AIG1: variants seen among roughly 807,000 people sequenced by gnomAD.
AIG1 encodes androgen induced 1, also known as androgen-induced gene 1 protein.
In AIG1, 23 loss-of-function variants were observed where a neutral mutation model predicts 31.4. The observed-to-expected ratio is 0.73, with a 90% confidence interval of 0.53 to 1.04. The LOEUF (loss-of-function observed/expected upper bound fraction) is 1.04, where lower values mean the gene tolerates loss of function less well. Ranked by LOEUF, AIG1 falls within the 50% of genes least tolerant of loss-of-function variation. AIG1 has a pLI of 0.00. For missense variants in AIG1, 274 were observed against 295.0 expected (o/e 0.93, Z 0.52); for synonymous variants, 100 against 110.5 (o/e 0.90, Z 0.60).
At chr6:143,130,431 T>C (rs1413819007) in intron 1 of AIG1, among the ~76,000 whole-genome samples, 1 of 151,802 alleles carries the variant, frequency 6.6e-6, no homozygotes, top group Non-Finnish European at 1.5e-5. Flanking sequence ...AAAAGAACTT[T>C]TGGGGCCAGG....
chr6:143,248,637 G>T (rs192637048), intron 3 of AIG1, among the ~76,000 whole-genome samples: 4 of 152,160 alleles, frequency 2.6e-5, no homozygotes, highest in Admixed American at 2.0e-4. Flanking sequence ...GATGTAAAAG[G>T]CCAGCTCATC....
At chr6:143,276,690 T>C (rs1796939316) in intron 3 of AIG1, among the ~76,000 whole-genome samples, 1 of 146,686 alleles carries the variant, frequency 6.8e-6, no homozygotes, top group Non-Finnish European at 1.5e-5. Flanking sequence ...TGGCAGTTCC[T>C]CATCATTCAA....
chr6:143,250,121 G>A (rs962157821), intron 3 of AIG1, among the ~76,000 whole-genome samples: 16 of 152,232 alleles, frequency 1.1e-4, no homozygotes, highest in East Asian at 7.7e-4. Context: ...GAGCCCAGGC[G>A]TGGTCCCCTG....
intron 2 of AIG1, among the ~76,000 whole-genome samples, chr6:143,148,266 C>T (rs772878021): frequency 6.1e-5 from 9 of 147,984 alleles, no homozygotes; most frequent in Admixed American, 3.5e-4. Context: ...TTTGAGAGGC[C>T]GAGGCAGGCA....
intron 3 of AIG1, among the ~76,000 whole-genome samples, chr6:143,262,021 A>G (rs748541298): frequency 1.3e-5 from 2 of 152,232 alleles, no homozygotes; most frequent in African/African-American, 2.4e-5. Context: ...TGCTGTTGAT[A>G]AATAGAATTG....
intron 1 of AIG1, among the ~76,000 whole-genome samples, chr6:143,113,849 A>G (rs1781504885): frequency 6.6e-6 from 1 of 151,358 alleles, no homozygotes; most frequent in East Asian, 2.0e-4. Context: ...ATCTCGGCTC[A>G]CTGCAAGCTC....
intron 4 of AIG1, among the ~76,000 whole-genome samples, chr6:143,320,180 A>G (rs1776094691): frequency 6.6e-6 from 1 of 152,200 alleles, no homozygotes; most frequent in Non-Finnish European, 1.5e-5. Flanking sequence ...ATCACCTCAC[A>G]CCAGTTAAAA....
At chr6:143,215,727 G>T (rs1352005687) in intron 3 of AIG1, among the ~76,000 whole-genome samples, 1 of 152,124 alleles carries the variant, frequency 6.6e-6, no homozygotes, top group Non-Finnish European at 1.5e-5. Context: ...AAGATGCAAT[G>T]GGTTGGTTCT....
intron 1 of AIG1, among the ~76,000 whole-genome samples, chr6:143,080,367 T>C (rs1778129105): frequency 6.6e-6 from 1 of 152,164 alleles, no homozygotes; most frequent in Non-Finnish European, 1.5e-5. Context: ...TTTGTAGTTT[T>C]ACAGCTTCGA....
At chr6:143,129,416 T>G (rs760920053) in intron 1 of AIG1, among the ~76,000 whole-genome samples, 7 of 152,248 alleles carry the variant, frequency 4.6e-5, no homozygotes, top group Admixed American at 2.6e-4. Flanking sequence ...GGGGCTGTAC[T>G]ATAGTCCCAA....
At chr6:143,208,167 G>A (rs540666030) in intron 3 of AIG1, among the ~76,000 whole-genome samples, 1 of 152,292 alleles carries the variant, frequency 6.6e-6, no homozygotes, top group African/African-American at 2.4e-5. Flanking sequence ...TGACAAAAAT[G>A]AATTCTGAAA....
intron 1 of AIG1, among the ~76,000 whole-genome samples, chr6:143,100,370 C>G (rs1780144986): frequency 6.6e-6 from 1 of 152,106 alleles, no homozygotes; most frequent in Non-Finnish European, 1.5e-5. Flanking sequence ...CTTTTGATTT[C>G]ACGATTTTGT....
At chr6:143,307,106 A>G in intron 4 of AIG1, among the ~76,000 whole-genome samples, 1 of 151,818 alleles carries the variant, frequency 6.6e-6, no homozygotes, top group East Asian at 1.9e-4. Context: ...ATTCGTCTAA[A>G]TTTTTTTCAA....
chr6:143,230,624 A>G (rs1231216834), intron 3 of AIG1, among the ~76,000 whole-genome samples: 1 of 150,954 alleles, frequency 6.6e-6, no homozygotes, highest in Non-Finnish European at 1.5e-5. Context: ...CATTAATAAG[A>G]CAAATATATC....
At chr6:143,285,871 T>C (rs573991157) in intron 4 of AIG1, among the ~76,000 whole-genome samples, 1 of 152,166 alleles carries the variant, frequency 6.6e-6, no homozygotes, top group East Asian at 1.9e-4. Context: ...TTTATGTCCT[T>C]TATACATATG....
rs1476721898 is a variant in AIG1, at chr6:143,339,624, T to C, written c.680-15T>C. The stretch of plus-strand genomic sequence containing the variant: ...AATCTGATGCTCAAATAAAACACTT[T>C]GCCTGTATTTCTAGGTATGGAAGAA... On this transcript the variant is annotated splice_polypyrimidine_tract_variant and intron_variant, in intron 5 of 5. Transcript: ENST00000357847. 1.6e-5 allele frequency: 25 copies of C among 1,612,572 alleles called. No homozygotes were observed. Among genetic ancestry groups the C allele is most frequent in the Non-Finnish European group, 2.1e-5 (25 of 1,179,326 alleles).
intron 3 of AIG1, among the ~76,000 whole-genome samples, chr6:143,196,447 T>G (rs1377750729): frequency 1.3e-5 from 2 of 151,404 alleles, no homozygotes; most frequent in African/African-American, 2.4e-5. Context: ...GTATATGTCT[T>G]TCTTTAAAAT....
chr6:143,316,077 C>A (rs1366780996), intron 4 of AIG1, among the ~76,000 whole-genome samples: 1 of 151,984 alleles, frequency 6.6e-6, no homozygotes, highest in Admixed American at 6.6e-5. Context: ...AGCAGCATGG[C>A]AGAATAGGAG....
upstream of AIG1, chr6:143,060,482 C>T (rs368267199): frequency 8.2e-5 from 20 of 244,826 alleles, no homozygotes; most frequent in East Asian, 2.4e-3. Context: ...TCCCCGCCCC[C>T]TCGCCCGGCC....
Sources: gnomAD v4.1 joint callset for allele counts (sites outside exome capture counted in the v4.1 genomes callset) on GRCh38, gnomAD v4.1.1 for gene constraint, MANE v1.5 for transcripts, NCBI Gene and HGNC (gene_info 2026-07-23, HGNC 2026-07-21) for gene names.